The following CAPN5 variants were observed in gnomAD, a reference collection of about 807,000 sequenced individuals.
CAPN5 encodes the protein calpain-5.
A neutral mutation model predicts 73.0 loss-of-function variants in CAPN5; 54 were observed. That is an observed-to-expected ratio of 0.74 (90% CI 0.59 to 0.93). The LOEUF is 0.93. CAPN5 is among the 40% of genes least tolerant of loss of function. CAPN5 has a pLI of 0.00. For missense variants in CAPN5, 785 were observed against 882.9 expected (o/e 0.89, Z 1.41); for synonymous variants, 335 against 356.9 (o/e 0.94, Z 0.69).
chr11:77,088,244 C>G (rs1170547150), intron 2 of CAPN5, among the ~76,000 whole-genome samples: 1 of 151,420 alleles, frequency 6.6e-6, no homozygotes, highest in Non-Finnish European at 1.5e-5. Flanking sequence ...CTAGTGCAGT[C>G]TCGGGGGCCC....
intron 3 of CAPN5, 115 bp from the exon 4 acceptor site, chr11:77,112,474 G>C (rs565699897): frequency 1.8e-4 from 145 of 795,066 alleles, no homozygotes; most frequent in Non-Finnish European, 2.6e-4. Context: ...GTTGGAATCC[G>C]AACCCAGTAT....
intron 3 of CAPN5, among the ~76,000 whole-genome samples, chr11:77,106,229 C>CA (rs1449704306): frequency 1.3e-5 from 2 of 152,010 alleles, no homozygotes; most frequent in Non-Finnish European, 2.9e-5. Flanking sequence ...ACACCCCTCA[C>CA]AGCATGCGCA....
chr11:77,086,564 A>C lies in CAPN5; in HGVS notation c.165+1513A>C, dbSNP rs1054264115. 3.9e-5 allele frequency among the ~76,000 whole-genome samples: 6 copies of C among 152,314 alleles called. No homozygotes were observed. The East Asian group carries it at 1.2e-3, about 29-fold the overall frequency. On this transcript the variant is annotated intron_variant, in intron 2 of 12. Coordinates refer to ENST00000648180, the MANE Select transcript of CAPN5 (RefSeq NM_004055.5). ...CCCAGGAGCCTCCTGGCCTGGCCAC[A>C]AGAGTTCTGCCTCTTGGGCCCCCTC...
intron 3 of CAPN5, among the ~76,000 whole-genome samples, chr11:77,097,229 AAAATT>A (rs1950219273): frequency 6.6e-6 from 1 of 152,050 alleles, no homozygotes. Flanking sequence ...CTCAAAAAAA[AAAATT>A]AAAAAGTGCC....
At chr11:77,084,786 G>A (rs1364043313) in intron 1 of CAPN5, 66 bp from the exon 2 acceptor site, 12 of 1,411,360 alleles carry the variant, frequency 8.5e-6, no homozygotes, top group Middle Eastern at 1.7e-4. Context: ...GATGATGTCC[G>A]CTTCACAGGG....
At chr11:77,113,380 C>T (rs1555041080) in intron 4 of CAPN5, among the ~76,000 whole-genome samples, 1 of 152,200 alleles carries the variant, frequency 6.6e-6, no homozygotes, top group Non-Finnish European at 1.5e-5. Flanking sequence ...CTGTGGGGAA[C>T]CCTGGGGAAG....
chr11:77,111,135 A>C (rs1013600798), intron 3 of CAPN5, among the ~76,000 whole-genome samples: 1 of 149,680 alleles, frequency 6.7e-6, no homozygotes. Flanking sequence ...AGGGTCTGGC[A>C]CTCCCTTCTG....
At position 77,084,912 on chromosome 11, in the gene CAPN5, A is replaced by C; in HGVS notation, c.26A>C (p.Glu9Ala). Residue 9 changes from glutamate (E) to alanine (A), a missense_variant, in exon 2 of 13, where the codon GAG becomes GCG. Glu to Ala is a moderately radical substitution (Grantham distance 107). Transcript: ENST00000648180. MFSCVKPY[E>A]DQNYSALRRD... ...ATGTTCTCGTGTGTGAAGCCCTATGAGGACCAGAACTACTCAGCCCTGAGG... is the reference window on the plus strand; with the variant it reads ...ATGTTCTCGTGTGTGAAGCCCTATGCGGACCAGAACTACTCAGCCCTGAGG... 1 of 1,614,054 alleles carries C rather than the reference A, an allele frequency of 6.2e-7. No individual in the cohort carries two copies. The highest frequency in any genetic ancestry group is 8.5e-7 in the Non-Finnish European group (1 of 1,179,998).
chr11:77,116,163 C>T, intron 6 of CAPN5, 63 bp from the exon 7 acceptor site: 1 of 1,485,220 alleles, frequency 6.7e-7, no homozygotes, highest in Non-Finnish European at 9.2e-7. Flanking sequence ...CTTTGCCAGA[C>T]AGATTCTGGT....
rs782195881 is a variant in CAPN5, at chr11:77,084,911, G to A, written c.25G>A (p.Glu9Lys). MFSCVKPY[E>K]DQNYSALRRD... ...CATGTTCTCGTGTGTGAAGCCCTAT[G>A]AGGACCAGAACTACTCAGCCCTGAG... Residue 9 changes from glutamate (E) to lysine (K), a missense_variant, in exon 2 of 13, where the codon GAG becomes AAG. Glu to Lys is a moderately conservative substitution (Grantham distance 56). Transcript: ENST00000648180. The A allele has an allele frequency of 1.2e-6, 2 of 1,614,084 alleles. No homozygotes were observed. Among genetic ancestry groups the A allele is most frequent in the Non-Finnish European group, 1.7e-6 (2 of 1,180,024 alleles).
At chr11:77,093,620 T>C in intron 2 of CAPN5, 62 bp from the exon 3 acceptor site, 1 of 1,512,386 alleles carries the variant, frequency 6.6e-7, no homozygotes, top group Non-Finnish European at 8.9e-7. Context: ...TCATGTCTCC[T>C]GCCATGGGGG....
intron 1 of CAPN5, among the ~76,000 whole-genome samples, 194 bp downstream of exon 1, chr11:77,067,288 C>G (rs1022890633): frequency 1.3e-5 from 2 of 152,124 alleles, no homozygotes; most frequent in South Asian, 2.1e-4. Context: ...GAGCATCCGC[C>G]TGGGCCCCCT....
chr11:77,075,855 C>T (rs1326193461), intron 1 of CAPN5, among the ~76,000 whole-genome samples: 1 of 152,038 alleles, frequency 6.6e-6, no homozygotes, highest in African/African-American at 2.4e-5. Flanking sequence ...GTCACTACCC[C>T]CAAGATAGCC....
intron 10 of CAPN5, among the ~76,000 whole-genome samples, chr11:77,121,389 A>G (rs1555042772): frequency 6.6e-6 from 1 of 152,222 alleles, no homozygotes; most frequent in African/African-American, 2.4e-5. Context: ...GCTGGGGCAT[A>G]GACCCTGTGC....
chr11:77,074,121 T>C (rs1344005420), intron 1 of CAPN5, among the ~76,000 whole-genome samples: 1 of 152,094 alleles, frequency 6.6e-6, no homozygotes, highest in African/African-American at 2.4e-5. Context: ...GATAAATACA[T>C]TAACAAAATC....
chr11:77,112,567 T>G, intron 3 of CAPN5, 22 bp from the exon 4 acceptor site: 2 of 1,545,054 alleles, frequency 1.3e-6, no homozygotes, highest in Non-Finnish European at 1.8e-6. Flanking sequence ...TCCCCCATCC[T>G]ATCCCCCCTC....
intron 2 of CAPN5, among the ~76,000 whole-genome samples, chr11:77,085,330 C>T (rs949586604): frequency 3.3e-5 from 5 of 152,148 alleles, no homozygotes; most frequent in East Asian, 1.9e-4. Context: ...ACCTCAGCCC[C>T]GCTGAGGGTC....
chr11:77,118,079 T>G, intron 7 of CAPN5, 78 bp from the exon 8 acceptor site: 1 of 1,321,488 alleles, frequency 7.6e-7, no homozygotes, highest in Non-Finnish European at 1.1e-6. Context: ...TATGGACATA[T>G]TAGGTTGTTG....
In CAPN5 at chr11:77,120,808, C is replaced by A; in HGVS notation, c.1386C>A (p.Asp462Glu). 6.2e-7 allele frequency: 1 copy of A among 1,614,216 alleles called. No homozygotes were observed. Among genetic ancestry groups the A allele is most frequent in the Non-Finnish European group, 8.5e-7 (1 of 1,180,036 alleles). ...CACGCAGCGTCTTCCTGCGCACCGA[C>A]CAGCCCGAGGGCCGCTATGTCATCA... ...INSRSVFLRT[D>E]QPEGRYVIIP... The change falls in exon 10 of 13, where the codon GAC becomes GAA. Residue 462 changes from aspartate (D) to glutamate (E), a missense_variant. Coordinates refer to ENST00000648180, the MANE Select transcript of CAPN5 (RefSeq NM_004055.5).
Sources: gnomAD v4.1 joint callset for allele counts (sites outside exome capture counted in the v4.1 genomes callset) on GRCh38, gnomAD v4.1.1 for gene constraint, MANE v1.5 for transcripts, NCBI Gene and HGNC (gene_info 2026-07-23, HGNC 2026-07-21) for gene names.